Variants in HEATR3 observed in about 807,000 individuals in gnomAD.
HEATR3 encodes HEAT repeat-containing protein 3.
HEATR3 carries 56 observed loss-of-function variants against 72.8 expected under a neutral mutation model. The observed-to-expected ratio is 0.77, with a 90% CI of 0.62 to 0.96. The LOEUF (loss-of-function observed/expected upper bound fraction) is 0.96, where lower values mean the gene tolerates loss of function less well. Ranked by LOEUF, HEATR3 falls within the 40% of genes least tolerant of loss-of-function variation. HEATR3 has a pLI of 0.00. For missense variants in HEATR3, 747 were observed against 831.4 expected, an observed-to-expected ratio of 0.90 and a Z score of 1.25; for synonymous variants, 331 against 318.1, an observed-to-expected ratio of 1.04 and a Z score of -0.43.
intron 6 of HEATR3, among the ~76,000 whole-genome samples, chr16:50,077,693 A>C (rs1190161576): frequency 6.6e-6 from 1 of 152,080 alleles, no homozygotes; most frequent in Non-Finnish European, 1.5e-5. Flanking sequence ...TTCTTTTTGC[A>C]TAGTGGCCTC....
rs187586902 is a variant in HEATR3, at chr16:50,069,443, A to C, written c.399+576A>C. Among the ~76,000 whole-genome samples the C allele has an allele frequency of 7.9e-5, 12 of 152,228 alleles. 1 individual carries two copies. In the East Asian group the frequency reaches 2.1e-3, roughly 27 times the overall value. On this transcript the variant is annotated intron_variant, in intron 3 of 14. Coordinates refer to ENST00000299192, the MANE Select transcript of HEATR3 (RefSeq NM_182922.4). ...ATAAAGGATATCCAGTTTTGATGAG[A>C]GGCATCAGTCATTTTAGAGCAGTGA...
chr16:50,066,326 C>T (rs766419060), intron 1 of HEATR3, 41 bp from the exon 2 acceptor site: 4 of 1,562,654 alleles, frequency 2.6e-6, no homozygotes, highest in South Asian at 2.3e-5. Flanking sequence ...CGCGCGCGTG[C>T]GCATTGCGCG....
intron 11 of HEATR3, among the ~76,000 whole-genome samples, chr16:50,092,062 C>T (rs907742083): frequency 2.0e-5 from 3 of 151,930 alleles, no homozygotes; most frequent in Non-Finnish European, 4.4e-5. Flanking sequence ...ATTGGCTGGA[C>T]GGAGTGGTGC....
At chr16:50,082,576 T>C (rs1033284500) in intron 7 of HEATR3, among the ~76,000 whole-genome samples, 1 of 141,042 alleles carries the variant, frequency 7.1e-6, no homozygotes, top group African/African-American at 2.6e-5. Flanking sequence ...AGCAATTTGC[T>C]TTTTTTTTTT....
chr16:50,068,623 T>C lies in HEATR3; in HGVS notation c.312-157T>C, dbSNP rs188086563. Among the ~76,000 whole-genome samples, 338 of 152,356 alleles carry C rather than the reference T, an allele frequency of 2.2e-3. 4 individuals are homozygous for C. Among genetic ancestry groups the C allele is most frequent in the African/African-American group, 7.4e-3 (309 of 41,588 alleles). On this transcript the variant is annotated intron_variant, in intron 2 of 14. Coordinates refer to ENST00000299192, the MANE Select transcript of HEATR3 (RefSeq NM_182922.4). The stretch of plus-strand genomic sequence containing the variant: ...CTTGTAGAACATGGATCAGAACAGA[T>C]GGAAATCTCTGGATTGGTTCTGCAG...
At chr16:50,076,266 GCAGCCTCACCTCC>G (rs919201611) in intron 6 of HEATR3, among the ~76,000 whole-genome samples, 23 of 150,762 alleles carry the variant, frequency 1.5e-4, no homozygotes, top group Non-Finnish European at 1.9e-4. Flanking sequence ...GGCTGGCTCT[GCAGCCTCACCTCC>G]CAGGTTCAAG....
At chr16:50,083,179 T>C (rs1364496890) in intron 7 of HEATR3, among the ~76,000 whole-genome samples, 6 of 152,360 alleles carry the variant, frequency 3.9e-5, no homozygotes, top group African/African-American at 1.4e-4. Flanking sequence ...TTTGGAAATA[T>C]TCAAATAGTA....
chr16:50,101,693 A>T (rs189160311), intron 13 of HEATR3, among the ~76,000 whole-genome samples: 2 of 151,936 alleles, frequency 1.3e-5, no homozygotes, highest in African/African-American at 4.8e-5. Context: ...TTATCCTTGT[A>T]TTTCCTACAA....
At chr16:50,070,316 C>A (rs1381029836) in intron 4 of HEATR3, 26 bp downstream of exon 4, 2 of 1,173,246 alleles carry the variant, frequency 1.7e-6, no homozygotes, top group Admixed American at 1.7e-5. Context: ...AACACAGTCT[C>A]CTGCTATAGC....
At chr16:50,095,072 T>TA (rs1391827527) in intron 12 of HEATR3, among the ~76,000 whole-genome samples, 11 of 152,138 alleles carry the variant, frequency 7.2e-5, no homozygotes, top group African/African-American at 2.4e-4. Flanking sequence ...ACTTAATTGA[T>TA]AGATATGTTG....
chr16:50,095,234 C>T (rs929795713), intron 12 of HEATR3, among the ~76,000 whole-genome samples: 7 of 151,878 alleles, frequency 4.6e-5, no homozygotes, highest in Admixed American at 2.0e-4. Flanking sequence ...GTGCCTCAGC[C>T]ACCCAAGTAA....
chr16:50,078,022 G>A (rs571610116), intron 6 of HEATR3, among the ~76,000 whole-genome samples: 5 of 151,394 alleles, frequency 3.3e-5, no homozygotes, highest in Admixed American at 6.6e-5. Flanking sequence ...GATTACAAGC[G>A]CCCACCACCA....
chr16:50,103,280 C>G (rs117613455), intron 14 of HEATR3, among the ~76,000 whole-genome samples: 2,241 of 152,308 alleles, frequency 0.015, 27 homozygotes, highest in Non-Finnish European at 0.023. Context: ...GATTGATTTT[C>G]CTACTCAGTA....
At position 50,078,204 on chromosome 16, in the gene HEATR3, G is replaced by A. The variant is rs191205254; in HGVS notation, c.764-537G>A. ...ATGAATGTAATCTGTTCAAGTCCCTGCTTTCAGTTCTTTTGGGTTTATAGT... is the reference window on the plus strand; with the variant it reads ...ATGAATGTAATCTGTTCAAGTCCCTACTTTCAGTTCTTTTGGGTTTATAGT... On this transcript the variant is annotated intron_variant, in intron 6 of 14. Transcript: ENST00000299192. Among the ~76,000 whole-genome samples the A allele has an allele frequency of 8.5e-5, 13 of 152,058 alleles. 1 individual carries two copies. The highest frequency in any genetic ancestry group is 5.9e-4 in the Admixed American group (9 of 15,268).
At chr16:50,087,364 A>G (rs2037010935) in intron 11 of HEATR3, among the ~76,000 whole-genome samples, 1 of 152,204 alleles carries the variant, frequency 6.6e-6, no homozygotes, top group South Asian at 2.1e-4. Context: ...GTTAAATTAA[A>G]TATTCTTTTA....
chr16:50,079,489 T>C (rs915235333), intron 7 of HEATR3, among the ~76,000 whole-genome samples: 4 of 152,148 alleles, frequency 2.6e-5, no homozygotes, highest in African/African-American at 9.7e-5. Context: ...TGGGTGACTG[T>C]GAGATGAATG....
chr16:50,073,019 C>G lies in HEATR3; in HGVS notation c.622+305C>G, dbSNP rs2036647114. ...TTCTTGAAGTTTTCATCTCCATTTA[C>G]TAAGAAACAGTAACGCACAACTACC... On this transcript the variant is annotated intron_variant, in intron 5 of 14. Transcript: ENST00000299192. 2.1e-5 allele frequency: 6 copies of G among 283,360 alleles called. 1 individual carries two copies. In the South Asian group the frequency reaches 2.6e-4, roughly 12 times the overall value. 17.6% of individuals were successfully genotyped at this position (283,360 alleles called of 1,614,324 possible).
At chr16:50,101,827 G>C (rs1196067427) in intron 13 of HEATR3, among the ~76,000 whole-genome samples, 1 of 152,148 alleles carries the variant, frequency 6.6e-6, no homozygotes, top group Admixed American at 6.6e-5. Flanking sequence ...CGACCCTCCC[G>C]CCTTAGCCTC....
chr16:50,067,774 T>C (rs1023967512), intron 2 of HEATR3, among the ~76,000 whole-genome samples: 9 of 152,206 alleles, frequency 5.9e-5, no homozygotes, highest in Middle Eastern at 3.2e-3. Flanking sequence ...TTCACTGATA[T>C]AGCAAATATG....
Sources: gnomAD v4.1 joint callset for allele counts (sites outside exome capture counted in the v4.1 genomes callset) on GRCh38, gnomAD v4.1.1 for gene constraint, MANE v1.5 for transcripts, NCBI Gene and HGNC (gene_info 2026-07-23, HGNC 2026-07-21) for gene names.